Variants in ASTN1 observed in about 807,000 individuals in gnomAD.
The protein encoded by ASTN1 is astrotactin 1, also known as astrotactin-1.
Under a neutral mutation model 140.7 loss-of-function variants are expected in ASTN1, and 41 were observed. The ratio of observed to expected loss-of-function variants is 0.29; its 90% CI spans 0.23 to 0.38. The LOEUF is 0.38. Ranked by LOEUF, ASTN1 falls within the 10% of genes least tolerant of loss-of-function variation. The probability of loss-of-function intolerance (pLI) is 1.00; values close to 1 mark genes in which losing one functional copy is unlikely to be tolerated. For synonymous variants in ASTN1, 640 were observed against 652.2 expected (o/e 0.98, Z 0.29); for missense variants, 1,479 against 1,678.8 (o/e 0.88, Z 2.08).
At chr1:176,941,572 C>G (rs7554828) in intron 14 of ASTN1, among the ~76,000 whole-genome samples, 38,182 of 152,062 alleles carry the variant, frequency 0.25, 5,465 homozygotes, top group African/African-American at 0.4. Flanking sequence ...CGTGAATGAG[C>G]ACCAGGTTTG....
intron 16 of ASTN1, among the ~76,000 whole-genome samples, chr1:176,926,990 C>T (rs75484342): frequency 6.6e-6 from 1 of 152,282 alleles, no homozygotes; most frequent in East Asian, 1.9e-4. Flanking sequence ...GGAGAGGAAC[C>T]AATTTAGTCT....
chr1:176,900,179 A>G (rs1458803390), intron 16 of ASTN1, among the ~76,000 whole-genome samples: 5 of 152,214 alleles, frequency 3.3e-5, no homozygotes, highest in Admixed American at 6.5e-5. Context: ...AACAGTAAAG[A>G]AGAAAGGAGA....
intron 1 of ASTN1, among the ~76,000 whole-genome samples, chr1:177,130,563 T>C (rs1277223728): frequency 6.6e-6 from 1 of 152,142 alleles, no homozygotes; most frequent in East Asian, 1.9e-4. Flanking sequence ...TGCAGGTCAC[T>C]GGATGGTGCG....
intron 1 of ASTN1, among the ~76,000 whole-genome samples, chr1:177,158,651 AGTAC>A (rs1196751552): frequency 1.5e-5 from 2 of 131,454 alleles, no homozygotes; most frequent in Non-Finnish European, 3.3e-5. Flanking sequence ...GAAAGAAAAA[AGTAC>A]GTGTGTGTGT....
Position 177,023,621 on chromosome 1 carries a change from G to A in ASTN1, c.1271-50C>T, listed in dbSNP as rs547368140. ...TGCCTATATGTGCAACACAGCACAC[G>A]TCCACAAGCCACCGAAGACAAGGAA... On this transcript the variant is annotated intron_variant, in intron 6 of 22. Transcript: ENST00000361833. 30 of 1,480,012 alleles carry A rather than the reference G, an allele frequency of 2.0e-5. No homozygotes were observed. In the African/African-American group the frequency reaches 3.2e-4, roughly 16 times the overall value. 91.7% of individuals were successfully genotyped at this position (1,480,012 alleles called of 1,614,324 possible).
intron 16 of ASTN1, among the ~76,000 whole-genome samples, chr1:176,932,147 T>C (rs531583713): frequency 6.6e-6 from 1 of 152,182 alleles, no homozygotes; most frequent in East Asian, 1.9e-4. Flanking sequence ...TATCTAGTCA[T>C]AGGTACAGAA....
chr1:177,094,857 G>A (rs1679951937), intron 1 of ASTN1, among the ~76,000 whole-genome samples: 1 of 152,164 alleles, frequency 6.6e-6, no homozygotes, highest in Admixed American at 6.5e-5. Flanking sequence ...GAGGTGAGTG[G>A]TACAGAAAGC....
intron 20 of ASTN1, among the ~76,000 whole-genome samples, chr1:176,878,655 C>T: frequency 6.6e-6 from 1 of 151,924 alleles, no homozygotes; most frequent in East Asian, 1.9e-4. Context: ...CTGGTTCAAT[C>T]CCACAATCCA....
At chr1:177,078,164 T>C (rs933701683) in intron 1 of ASTN1, among the ~76,000 whole-genome samples, 3 of 151,986 alleles carry the variant, frequency 2.0e-5, no homozygotes, top group East Asian at 3.9e-4. Context: ...AGATGTATGA[T>C]AGGAGATGGG....
chr1:177,128,423 AC>A (rs1244086195), intron 1 of ASTN1, among the ~76,000 whole-genome samples: 1 of 152,200 alleles, frequency 6.6e-6, no homozygotes, highest in Non-Finnish European at 1.5e-5. Flanking sequence ...TAAAATTGTT[AC>A]CCTCAAATTC....
At chr1:177,132,780 G>T (rs868229884) in intron 1 of ASTN1, among the ~76,000 whole-genome samples, 57 of 152,240 alleles carry the variant, frequency 3.7e-4, no homozygotes, top group African/African-American at 1.2e-3. Context: ...TGTTTAGCAG[G>T]TCTAAACTGC....
In ASTN1 at chr1:176,918,463, A is replaced by G. The variant is rs1670586502; in HGVS notation, c.2671+15689T>C. On this transcript the variant is annotated intron_variant, in intron 16 of 22. Coordinates refer to ENST00000361833, the MANE Select transcript of ASTN1 (RefSeq NM_004319.3). ...GCTCTTTACTGCTCACCCCCCGGCA[A>G]CATGTTCCATCTCATTGGCTCTGAA... 2.6e-5 allele frequency among the ~76,000 whole-genome samples: 4 copies of G among 152,140 alleles called. No homozygotes were observed. The South Asian group carries it at 6.2e-4, about 24-fold the overall frequency.
At chr1:176,976,159 AGGATC>A (rs1374612639) in intron 8 of ASTN1, 1 of 152,176 alleles carries the variant, frequency 6.6e-6, no homozygotes, top group Non-Finnish European at 1.5e-5. Flanking sequence ...TCTATTTCTG[AGGATC>A]AACAGTTCCA....
At chr1:177,036,124 C>T (rs1190099543) in intron 2 of ASTN1, among the ~76,000 whole-genome samples, 2 of 137,746 alleles carry the variant, frequency 1.5e-5, no homozygotes, top group South Asian at 2.3e-4. Context: ...GATCTTGGCT[C>T]ACTGCAACCT....
intron 1 of ASTN1, among the ~76,000 whole-genome samples, chr1:177,119,538 A>T (rs542416952): frequency 6.6e-6 from 1 of 152,158 alleles, no homozygotes; most frequent in Non-Finnish European, 1.5e-5. Context: ...AGCCCTTCTC[A>T]ACTCAAAAGA....
intron 7 of ASTN1, among the ~76,000 whole-genome samples, chr1:177,017,952 G>A (rs1022560141): frequency 4.6e-5 from 7 of 152,264 alleles, no homozygotes; most frequent in African/African-American, 1.4e-4. Flanking sequence ...ACATGGCTGG[G>A]CTCACCATAA....
At chr1:177,003,942 C>G (rs1674865892) in intron 8 of ASTN1, among the ~76,000 whole-genome samples, 2 of 152,138 alleles carry the variant, frequency 1.3e-5, no homozygotes, top group Admixed American at 1.3e-4. Context: ...TTCCCCACTT[C>G]TATTCAACAT....
At chr1:176,962,047 G>C (rs972957754) in intron 9 of ASTN1, among the ~76,000 whole-genome samples, 2 of 152,202 alleles carry the variant, frequency 1.3e-5, no homozygotes, top group Non-Finnish European at 2.9e-5. Flanking sequence ...GTGAGGAAAC[G>C]GATCAATTGC....
At chr1:177,106,549 C>A (rs1680552539) in intron 1 of ASTN1, among the ~76,000 whole-genome samples, 1 of 152,152 alleles carries the variant, frequency 6.6e-6, no homozygotes, top group African/African-American at 2.4e-5. Context: ...CTAAACTGGT[C>A]ATTTATTTTG....
Sources: allele counts gnomAD v4.1 joint callset (sites outside exome capture counted in the v4.1 genomes callset), GRCh38; gene constraint gnomAD v4.1.1; transcripts MANE v1.5; gene names NCBI Gene and HGNC (gene_info 2026-07-23, HGNC 2026-07-21).